Variants in NMNAT3 observed in about 807,000 individuals in gnomAD.
NMNAT3 encodes the protein nicotinamide/nicotinic acid mononucleotide adenylyltransferase 3.
Under a neutral mutation model 24.8 loss-of-function variants are expected in NMNAT3, and 21 were observed. The ratio of observed to expected loss-of-function variants is 0.85; its 90% CI spans 0.60 to 1.22. The LOEUF (loss-of-function observed/expected upper bound fraction) is 1.22, where lower values mean the gene tolerates loss of function less well. Ranked by LOEUF, NMNAT3 falls within the 50% of genes most tolerant of loss-of-function variation. NMNAT3 has a pLI of 0.00. For synonymous variants in NMNAT3, 136 were observed against 155.2 expected (o/e 0.88, Z 0.92); for missense variants, 387 against 436.6 (o/e 0.89, Z 1.01).
chr3:139,573,652 G>C lies in NMNAT3; in HGVS notation c.604C>G (p.Pro202Ala). Reference sequence around the variant, plus strand: ...TGGTCTGGGCCTTCCATCTGGGGTGGAGATCTGAGCAGTTTGCTGTGATGA... The same window carrying C: ...TGGTCTGGGCCTTCCATCTGGGGTGCAGATCTGAGCAGTTTGCTGTGATGA... The change falls in exon 6 of 7, where the codon CCA (proline) becomes GCA (alanine). Residue 202 changes from proline to alanine, a missense_variant. Physicochemically the swap from Pro to Ala is conservative, Grantham distance 27 (BLOSUM62 -1). Coordinates refer to ENST00000643695, the MANE Select transcript of NMNAT3 (RefSeq NM_001320510.2). 1 of 1,605,316 alleles carries C rather than the reference G, an allele frequency of 6.2e-7. No individual in the cohort carries two copies.
intron 2 of NMNAT3, chr3:139,635,388 T>C (rs2056463240): frequency 6.6e-6 from 1 of 152,226 alleles, no homozygotes; most frequent in East Asian, 1.9e-4. Flanking sequence ...AACCCTCCTC[T>C]AAGCATCTCT....
intron 3 of NMNAT3, among the ~76,000 whole-genome samples, chr3:139,592,819 G>C (rs1283801250): frequency 6.6e-6 from 1 of 152,108 alleles, no homozygotes; most frequent in African/African-American, 2.4e-5. Context: ...CCTGAAGGAA[G>C]CACTAAACAT....
At chr3:139,653,976 G>A (rs2057148418) in intron 1 of NMNAT3, among the ~76,000 whole-genome samples, 1 of 152,144 alleles carries the variant, frequency 6.6e-6, no homozygotes, top group Non-Finnish European at 1.5e-5. Flanking sequence ...TCTGACCAGC[G>A]CTTCTGCTCC....
intron 6 of NMNAT3, among the ~76,000 whole-genome samples, chr3:139,562,909 A>G (rs1936622747): frequency 6.6e-6 from 1 of 152,226 alleles, no homozygotes; most frequent in Non-Finnish European, 1.5e-5. Flanking sequence ...TCCTTCATTC[A>G]TGCATGTATG....
At chr3:139,628,774 CT>C (rs2056165978) in intron 2 of NMNAT3, among the ~76,000 whole-genome samples, 1 of 152,226 alleles carries the variant, frequency 6.6e-6, no homozygotes, top group Admixed American at 6.5e-5. Context: ...CACAGACCCT[CT>C]CTGAGCCTCA....
chr3:139,576,837 G>A (rs185561103), intron 5 of NMNAT3, among the ~76,000 whole-genome samples: 6 of 152,200 alleles, frequency 3.9e-5, no homozygotes, highest in East Asian at 1.9e-4. Flanking sequence ...TAGGTGGATC[G>A]CCTGAGGTCG....
At chr3:139,569,166 C>G (rs1366679050) in intron 6 of NMNAT3, 1 of 72,144 alleles carries the variant, frequency 1.4e-5, no homozygotes. Context: ...GATTGCAACC[C>G]CTGCCTTTTT....
chr3:139,570,524 G>A (rs926425904), intron 6 of NMNAT3: 11 of 152,174 alleles, frequency 7.2e-5, no homozygotes, highest in Non-Finnish European at 1.3e-4. Flanking sequence ...GGTTTTTGGT[G>A]TGGATGTCCT....
intron 2 of NMNAT3, among the ~76,000 whole-genome samples, chr3:139,628,636 G>C (rs1481934514): frequency 6.6e-6 from 1 of 152,192 alleles, no homozygotes; most frequent in Admixed American, 6.5e-5. Context: ...AGGTGAGAAG[G>C]AAACAGCCCA....
chr3:139,561,189 C>T lies in NMNAT3; in HGVS notation c.862G>A (p.Glu288Lys), dbSNP rs1333304701. The change falls in exon 7 of 7, where the codon GAG (glutamate) becomes AAG (lysine). Residue 288 changes from glutamate (E) to lysine (K), a missense_variant. Around this residue, in one of 3 missense-constraint regions of NMNAT3, gnomAD observed 323 missense variants for 345.2 expected, o/e 0.94. Coordinates refer to ENST00000643695, the MANE Select transcript of NMNAT3 (RefSeq NM_001320510.2). ...GCACTGATCTCATTCTGCACAGGCTCCTTGGCCAGGTGAATGTTGTGCTGG... is the reference window on the plus strand; with the variant it reads ...GCACTGATCTCATTCTGCACAGGCTTCTTGGCCAGGTGAATGTTGTGCTGG... The T allele has an allele frequency of 1.2e-6, 2 of 1,614,160 alleles. No homozygotes were observed. The highest frequency in any genetic ancestry group is 1.7e-5 in the Admixed American group (1 of 60,026).
intron 1 of NMNAT3, among the ~76,000 whole-genome samples, chr3:139,641,935 T>C (rs1487741675): frequency 6.6e-6 from 1 of 152,196 alleles, no homozygotes; most frequent in Non-Finnish European, 1.5e-5. Context: ...TCTCAAGCTC[T>C]TTGCTAGTGA....
chr3:139,613,725 G>A (rs535559449), intron 3 of NMNAT3, among the ~76,000 whole-genome samples: 43 of 152,136 alleles, frequency 2.8e-4, no homozygotes, highest in African/African-American at 9.6e-4. Flanking sequence ...GCAAAGACTT[G>A]GAACCAACCC....
chr3:139,620,116 A>G (rs1046086708), intron 3 of NMNAT3, among the ~76,000 whole-genome samples: 1 of 150,902 alleles, frequency 6.6e-6, no homozygotes, highest in East Asian at 1.9e-4. Context: ...ATAGTTTCCA[A>G]TTTCTCTTAC....
At chr3:139,677,271 C>T (rs899980354) in intron 1 of NMNAT3, among the ~76,000 whole-genome samples, 1 of 152,210 alleles carries the variant, frequency 6.6e-6, no homozygotes, top group African/African-American at 2.4e-5. Flanking sequence ...GGTCTCCCCC[C>T]ACTGGACTGT....
chr3:139,592,007 A>G (rs1374088543), intron 3 of NMNAT3, among the ~76,000 whole-genome samples: 1 of 152,172 alleles, frequency 6.6e-6, no homozygotes, highest in African/African-American at 2.4e-5. Context: ...GGCTTCAGAC[A>G]ATCAAATTAC....
At chr3:139,644,352 C>G (rs984612738) in intron 1 of NMNAT3, among the ~76,000 whole-genome samples, 1 of 152,130 alleles carries the variant, frequency 6.6e-6, no homozygotes, top group Non-Finnish European at 1.5e-5. Flanking sequence ...ATACAATGAA[C>G]AATACCAGCA....
At position 139,670,004 on chromosome 3, in the gene NMNAT3, A is replaced by G. The variant is rs377088552; in HGVS notation, c.-141+7701T>C. Among the ~76,000 whole-genome samples the G allele has an allele frequency of 1.1e-4, 17 of 152,336 alleles. No homozygotes were observed. The East Asian group carries it at 2.3e-3, about 21-fold the overall frequency. On this transcript the variant is annotated intron_variant, in intron 1 of 6. Coordinates refer to ENST00000643695, the MANE Select transcript of NMNAT3 (RefSeq NM_001320510.2). ...CACTAAAATCAAATTTTGGTAGTCT[A>G]TTCCAATTTACTAGGAAGAAATATG...
intron 1 of NMNAT3, 78 bp from the exon 2 acceptor site, chr3:139,638,140 A>C (rs1360838883): frequency 2.0e-5 from 3 of 152,236 alleles, no homozygotes; most frequent in African/African-American, 7.2e-5. Context: ...TACTGCCTTC[A>C]AAATGTGGTA....
At chr3:139,627,993 T>G (rs974722883) in intron 2 of NMNAT3, among the ~76,000 whole-genome samples, 2 of 152,222 alleles carry the variant, frequency 1.3e-5, no homozygotes, top group Non-Finnish European at 2.9e-5. Flanking sequence ...GAGTGGTTAC[T>G]CATACAGCTC....
Sources: gnomAD v4.1 joint callset for allele counts (sites outside exome capture counted in the v4.1 genomes callset) on GRCh38, gnomAD v4.1.1 for gene constraint, gnomAD v4.1.1 regional missense constraint, MANE v1.5 for transcripts, NCBI Gene and HGNC (gene_info 2026-07-23, HGNC 2026-07-21) for gene names.